The following NSD1 variants were observed in gnomAD, a reference collection of about 807,000 sequenced individuals.
The protein encoded by NSD1 is nuclear receptor binding SET domain protein 1.
In NSD1, 26 loss-of-function variants were observed where a neutral mutation model predicts 242.7. The observed-to-expected ratio is 0.11, with a 90% CI of 0.08 to 0.15. The LOEUF (loss-of-function observed/expected upper bound fraction) is 0.15. NSD1 is among the 10% of genes least tolerant of loss of function. NSD1 has a pLI of 1.00. For missense variants in NSD1, 2,495 were observed against 3,272.8 expected, an observed-to-expected ratio of 0.76 and a Z score of 5.80; for synonymous variants, 1,106 against 1,178.1, an observed-to-expected ratio of 0.94 and a Z score of 1.25.
chr5:177,218,753 A>G (rs1171592325), intron 5 of NSD1, among the ~76,000 whole-genome samples: 1 of 150,810 alleles, frequency 6.6e-6, no homozygotes, highest in South Asian at 2.1e-4. Flanking sequence ...TGTATTTTTT[A>G]GTAGACAGGG....
intron 5 of NSD1, among the ~76,000 whole-genome samples, chr5:177,217,921 G>A (rs193014754): frequency 2.4e-4 from 37 of 151,472 alleles, no homozygotes; most frequent in Admixed American, 1.6e-3. Context: ...GCCCACCTCG[G>A]CCTCCCAAAG....
chr5:177,186,006 ATAT>A (rs1761167593), intron 2 of NSD1, among the ~76,000 whole-genome samples: 1 of 97,612 alleles, frequency 1.0e-5, no homozygotes. Context: ...TATATAATTT[ATAT>A]TATATATTAT....
chr5:177,260,339 C>CTTTTTTT lies in NSD1; in HGVS notation c.5146+190_5146+196dup, dbSNP rs1174250871. Reference sequence around the variant, plus strand: ...CCGAATTAATGATTACATAGCAGAACTTTTTTTTTTTTTTTTTTTTTTTTT... The same window carrying CTTTTTTT: ...CCGAATTAATGATTACATAGCAGAACTTTTTTTTTTTTTTTTTTTTTTTTTTTTTTTT... On this transcript the variant is annotated intron_variant, in intron 14 of 22. Coordinates refer to ENST00000439151, the MANE Select transcript of NSD1 (RefSeq NM_022455.5). Among the ~76,000 whole-genome samples, 189 of 85,838 alleles carry CTTTTTTT rather than the reference C, an allele frequency of 2.2e-3. 6 individuals are homozygous for CTTTTTTT. Among genetic ancestry groups the CTTTTTTT allele is most frequent in the Middle Eastern group, 0.012 (1 of 86 alleles). 56.3% of individuals were successfully genotyped at this position (85,838 alleles called of 152,430 possible).
chr5:177,264,620 T>C (rs1022490055), intron 14 of NSD1: 22 of 379,584 alleles, frequency 5.8e-5, no homozygotes, highest in African/African-American at 4.2e-4. Context: ...GCTTTTCCAG[T>C]TGAAGTAGGA....
intron 2 of NSD1, among the ~76,000 whole-genome samples, chr5:177,157,432 T>A (rs766132407): frequency 9.9e-5 from 15 of 151,928 alleles, no homozygotes; most frequent in Non-Finnish European, 1.5e-4. Flanking sequence ...GCGCAGTGGC[T>A]CATGCCTGTA....
At chr5:177,160,392 C>T (rs899800295) in intron 2 of NSD1, among the ~76,000 whole-genome samples, 1 of 152,078 alleles carries the variant, frequency 6.6e-6, no homozygotes, top group Non-Finnish European at 1.5e-5. Flanking sequence ...CCTCCACCTC[C>T]CAGGTTCAAG....
In NSD1 at chr5:177,210,407, G is replaced by C. The variant is rs1554189230; in HGVS notation, c.2008G>C (p.Asp670His). The C allele has an allele frequency of 6.2e-7, 1 of 1,614,020 alleles. No homozygotes were observed. Among genetic ancestry groups the C allele is most frequent in the Non-Finnish European group, 8.5e-7 (1 of 1,180,004 alleles). ...TGTCCTTGAAATTCCAGATGCTTTC[G>C]ATAGAACAGAGAACATGTTATCTAT... ...NSVLEIPDAF[D>H]RTENMLSMQK... Residue 670 changes from aspartate to histidine, a missense_variant, in exon 5 of 23, where the codon GAT (aspartate) becomes CAT (histidine). By Grantham distance (81) the Asp-to-His change is moderately conservative. Around this residue, in one of 19 missense-constraint regions of NSD1, gnomAD observed 515 missense variants for 467.0 expected, o/e 1.10. Coordinates refer to ENST00000439151, the MANE Select transcript of NSD1 (RefSeq NM_022455.5).
intron 8 of NSD1, among the ~76,000 whole-genome samples, chr5:177,241,251 C>G (rs973415081): frequency 4.6e-5 from 7 of 151,738 alleles, no homozygotes; most frequent in Admixed American, 2.6e-4. Flanking sequence ...AATCCCAGCA[C>G]TTTGGGAGGC....
chr5:177,209,732 G>C lies in NSD1; in HGVS notation c.1333G>C (p.Gly445Arg), dbSNP rs757392008. ...KGSKNRKCIP[G>R]SIKLDSEEDM... ...GTCAAAGAACCGAAAATGTATTCCT[G>C]GTTCAATCAAGTTGGACAGTGAAGA... Residue 445 changes from glycine (G) to arginine (R), a missense_variant, in exon 5 of 23, where the codon GGT becomes CGT. Gly to Arg is a moderately radical substitution (Grantham distance 125, BLOSUM62 -2). Coordinates refer to ENST00000439151, the MANE Select transcript of NSD1 (RefSeq NM_022455.5). 6.2e-7 allele frequency: 1 copy of C among 1,614,030 alleles called. No homozygotes were observed.
At chr5:177,243,653 T>C (rs1320770045) in intron 8 of NSD1, among the ~76,000 whole-genome samples, 1 of 152,202 alleles carries the variant, frequency 6.6e-6, no homozygotes, top group East Asian at 1.9e-4. Flanking sequence ...CTTTATTTTT[T>C]CTTAAGGAGT....
rs770263945 is a variant in NSD1, at chr5:177,210,557, G to C, written c.2158G>C (p.Glu720Gln). ...DHLMGCTKSAEPGTETSQVNL... is the reference protein window; with the variant it reads ...DHLMGCTKSAQPGTETSQVNL... The stretch of plus-strand genomic sequence containing the variant: ...CTTAATGGGTTGTACTAAGAGTGCA[G>C]AGCCTGGAACCGAGACGTCTCAGGT... The change falls in exon 5 of 23, where the codon GAG (glutamate) becomes CAG (glutamine). Residue 720 changes from glutamate to glutamine, a missense_variant. By Grantham distance (29) the Glu-to-Gln change is conservative. This residue lies in a region of NSD1 where 515 missense variants were observed against 467.0 expected (regional missense o/e 1.10). Transcript: ENST00000439151. The C allele has an allele frequency of 1.2e-6, 2 of 1,614,082 alleles. No individual in the cohort carries two copies. The highest frequency in any genetic ancestry group is 1.7e-5 in the Admixed American group (1 of 60,004).
At chr5:177,179,836 A>G (rs1275015142) in intron 2 of NSD1, among the ~76,000 whole-genome samples, 1 of 152,192 alleles carries the variant, frequency 6.6e-6, no homozygotes, top group African/African-American at 2.4e-5. Context: ...AAGGGGGCCA[A>G]TCAGGTATGT....
chr5:177,171,045 G>A (rs1759662113), intron 2 of NSD1, among the ~76,000 whole-genome samples: 1 of 151,494 alleles, frequency 6.6e-6, no homozygotes, highest in Non-Finnish European at 1.5e-5. Flanking sequence ...AAACCGGGCG[G>A]GGCGTGGTGG....
At chr5:177,217,419 T>C (rs966145189) in intron 5 of NSD1, among the ~76,000 whole-genome samples, 3 of 152,182 alleles carry the variant, frequency 2.0e-5, no homozygotes, top group African/African-American at 7.2e-5. Context: ...AAGGTTCATG[T>C]CATCTGCAAA....
At chr5:177,185,856 ATAT>A (rs1230013944) in intron 2 of NSD1, among the ~76,000 whole-genome samples, 16 of 87,722 alleles carry the variant, frequency 1.8e-4, no homozygotes, top group Non-Finnish European at 2.8e-4. Context: ...TATATATTAT[ATAT>A]TATATATTTA....
At chr5:177,141,694 C>T (rs1756840206) in intron 2 of NSD1, among the ~76,000 whole-genome samples, 1 of 152,058 alleles carries the variant, frequency 6.6e-6, no homozygotes, top group South Asian at 2.1e-4. Flanking sequence ...TCTCTGCAGT[C>T]TCATTCACTT....
At chr5:177,164,230 C>T (rs902917867) in intron 2 of NSD1, among the ~76,000 whole-genome samples, 6 of 149,734 alleles carry the variant, frequency 4.0e-5, no homozygotes, top group Non-Finnish European at 8.8e-5. Context: ...GTTTCCCGCT[C>T]ACTGCAACCT....
chr5:177,210,826 G>A lies in NSD1; in HGVS notation c.2427G>A (p.Glu809=), dbSNP rs61744224. ...VMAEPPVINE[E]CSLKCCSSDT... ...CAGAACCCCCAGTTATAAATGAGGA[G>A]TGCAGTTTGAAATGCTGCTCTTCTG... Residue 809 remains glutamate (E), a synonymous_variant, in exon 5 of 23, where the codon GAG becomes GAA. Transcript: ENST00000439151. 3.0e-5 allele frequency: 48 copies of A among 1,614,094 alleles called. No homozygotes were observed. In the African/African-American group the frequency reaches 5.9e-4, roughly 20 times the overall value.
intron 3 of NSD1, among the ~76,000 whole-genome samples, chr5:177,192,496 A>G (rs1012859738): frequency 1.3e-5 from 2 of 152,084 alleles, no homozygotes; most frequent in African/African-American, 4.8e-5. Context: ...TCCCGGGTTC[A>G]AGCAATTCTT....
Sources: gnomAD v4.1 joint callset for allele counts (sites outside exome capture counted in the v4.1 genomes callset) on GRCh38, gnomAD v4.1.1 for gene constraint, gnomAD v4.1.1 regional missense constraint, MANE v1.5 for transcripts, NCBI Gene and HGNC (gene_info 2026-07-23, HGNC 2026-07-21) for gene names.